Variants in TNR observed in about 807,000 individuals in gnomAD.
TNR encodes the protein tenascin R.
Under a neutral mutation model 150.4 loss-of-function variants are expected in TNR, and 45 were observed. The ratio of observed to expected loss-of-function variants is 0.30; its 90% CI spans 0.24 to 0.38. The LOEUF (loss-of-function observed/expected upper bound fraction) is 0.38. Ranked by LOEUF, TNR falls within the 10% of genes least tolerant of loss-of-function variation. The pLI is 1.00. For missense variants in TNR, 1,544 were observed against 1,759.1 expected, an observed-to-expected ratio of 0.88 and a Z score of 2.19; for synonymous variants, 687 against 678.4, an observed-to-expected ratio of 1.01 and a Z score of -0.20.
In TNR at chr1:175,403,241, C is replaced by A; in HGVS notation, c.875G>T (p.Cys292Phe). The A allele has an allele frequency of 6.2e-7, 1 of 1,614,164 alleles. No homozygotes were observed. The highest frequency in any genetic ancestry group is 8.5e-7 in the Non-Finnish European group (1 of 1,180,036). Reference protein sequence around the residue: ...LCEEGYVGEDCGQRQCLNACS... With the variant: ...LCEEGYVGEDFGQRQCLNACS... ...GGCATTCAGACACTGCCGCTGGCCG[C>A]AGTCCTCACCAACGTAGCCCTCCTC... is the stretch of plus-strand genomic sequence containing the variant. Residue 292 changes from cysteine (C) to phenylalanine (F), a missense_variant, in exon 4 of 23, where the codon TGC becomes TTC. Cys to Phe is a radical substitution (Grantham distance 205). This residue lies in a region of TNR where 1,254 missense variants were observed against 1,329.4 expected (regional missense o/e 0.94). Coordinates refer to ENST00000367674, the MANE Select transcript of TNR (RefSeq NM_003285.3).
chr1:175,691,157 C>T (rs1406502183), intron 1 of TNR, among the ~76,000 whole-genome samples: 1 of 82,818 alleles, frequency 1.2e-5, no homozygotes, highest in Non-Finnish European at 2.6e-5. Context: ...CCAGTCCTAT[C>T]CACACCTTAA....
At chr1:175,434,705 A>G (rs1377809328) in intron 2 of TNR, among the ~76,000 whole-genome samples, 1 of 152,122 alleles carries the variant, frequency 6.6e-6, no homozygotes, top group Non-Finnish European at 1.5e-5. Context: ...GCCCGGGAAT[A>G]CGGTATGTGT....
chr1:175,524,686 C>T (rs1659782657), intron 2 of TNR, among the ~76,000 whole-genome samples: 1 of 152,092 alleles, frequency 6.6e-6, no homozygotes, highest in Non-Finnish European at 1.5e-5. Flanking sequence ...ATTGAGCAAG[C>T]TCTTTATAGC....
In TNR at chr1:175,512,250, A is replaced by C. The variant is rs114797656; in HGVS notation, c.-64+16019T>G. On this transcript the variant is annotated intron_variant, in intron 2 of 22. Transcript: ENST00000367674. ...GGAGTTAAGATCCGTGACCATTTCAAGTAGGCAGGAGAGGCATCATCTTGA... is the reference window on the plus strand; with the variant it reads ...GGAGTTAAGATCCGTGACCATTTCACGTAGGCAGGAGAGGCATCATCTTGA... Among the ~76,000 whole-genome samples the C allele has an allele frequency of 5.0e-3, 757 of 152,350 alleles. 6 individuals carry two copies. The highest frequency in any genetic ancestry group is 0.017 in the African/African-American group (724 of 41,580).
At chr1:175,449,740 T>C (rs1656222422) in intron 2 of TNR, among the ~76,000 whole-genome samples, 2 of 152,228 alleles carry the variant, frequency 1.3e-5, no homozygotes, top group South Asian at 2.1e-4. Context: ...TGGGCTGGAT[T>C]TTTGAAGAGA....
intron 1 of TNR, among the ~76,000 whole-genome samples, chr1:175,657,948 A>G (rs1665243084): frequency 7.1e-6 from 1 of 141,368 alleles, no homozygotes; most frequent in African/African-American, 2.6e-5. Flanking sequence ...AAAAAAAAGG[A>G]TGCCAGGTGA....
intron 1 of TNR, among the ~76,000 whole-genome samples, chr1:175,682,020 A>C (rs532267984): frequency 1.3e-5 from 2 of 152,256 alleles, no homozygotes; most frequent in African/African-American, 4.8e-5. Flanking sequence ...GATTCTCAGT[A>C]AATGGCACTT....
intron 1 of TNR, among the ~76,000 whole-genome samples, chr1:175,724,437 G>A (rs1051550657): frequency 2.6e-5 from 4 of 152,150 alleles, no homozygotes; most frequent in Non-Finnish European, 5.9e-5. Context: ...GGGGGATGGT[G>A]CTAAAACATT....
chr1:175,724,388 C>A (rs962617818), intron 1 of TNR, among the ~76,000 whole-genome samples: 5 of 152,186 alleles, frequency 3.3e-5, no homozygotes, highest in African/African-American at 1.2e-4. Flanking sequence ...ACAATCAGAT[C>A]TAGTGAGAAC....
intron 1 of TNR, among the ~76,000 whole-genome samples, chr1:175,553,849 A>ACACACACACACACACAC (rs1661045599): frequency 4.2e-5 from 3 of 70,628 alleles, no homozygotes; most frequent in Non-Finnish European, 6.5e-5. Flanking sequence ...CACACACACA[A>ACACACACACACACACAC]ACAATAATTA....
At chr1:175,646,661 C>T (rs1664818814) in intron 1 of TNR, among the ~76,000 whole-genome samples, 1 of 152,198 alleles carries the variant, frequency 6.6e-6, no homozygotes, top group Non-Finnish European at 1.5e-5. Context: ...GTTTGCCTGG[C>T]TTGAAGAGTC....
chr1:175,331,101 C>CTTTCTTTCTTTCTT lies in TNR; in HGVS notation c.3632-867_3632-866insAAGAAAGAAAGAAA, dbSNP rs1368309847. 4.4e-4 allele frequency among the ~76,000 whole-genome samples: 43 copies of CTTTCTTTCTTTCTT among 98,204 alleles called. 1 individual carries two copies. The highest frequency in any genetic ancestry group is 6.3e-4 in the Non-Finnish European group (29 of 46,076). 64.4% of individuals were successfully genotyped at this position (98,204 alleles called of 152,430 possible). A position where few individuals can be genotyped will look rare whatever the true frequency, so the allele number is the denominator to read the frequency against. The stretch of plus-strand genomic sequence containing the variant: ...TCCTTCTTTCTTTCTTTCTTTCTTT[C>CTTTCTTTCTTTCTT]TCTCTCTCTTTCTTTTCTTTCTTTC... On this transcript the variant is annotated intron_variant, in intron 20 of 22. Transcript: ENST00000367674.
chr1:175,514,564 T>C (rs1659325577), intron 2 of TNR, among the ~76,000 whole-genome samples: 2 of 152,152 alleles, frequency 1.3e-5, no homozygotes, highest in South Asian at 4.1e-4. Flanking sequence ...GAACCATGGT[T>C]CCCAGGGAAA....
intron 1 of TNR, among the ~76,000 whole-genome samples, chr1:175,552,825 G>A (rs146101645): frequency 3.0e-4 from 46 of 151,694 alleles, no homozygotes; most frequent in African/African-American, 9.9e-4. Context: ...TTCTTTTCTC[G>A]TGCCTCCAGA....
chr1:175,488,992 A>G (rs1438163579), intron 2 of TNR, among the ~76,000 whole-genome samples: 1 of 152,142 alleles, frequency 6.6e-6, no homozygotes, highest in Non-Finnish European at 1.5e-5. Context: ...TTTAAAGTCT[A>G]CCGCGGGTGG....
At chr1:175,596,102 G>A (rs1211251965) in intron 1 of TNR, among the ~76,000 whole-genome samples, 1 of 152,130 alleles carries the variant, frequency 6.6e-6, no homozygotes, top group Non-Finnish European at 1.5e-5. Flanking sequence ...GGCAAAGGTT[G>A]AAAACAACAT....
intron 2 of TNR, among the ~76,000 whole-genome samples, chr1:175,464,325 A>G (rs1408217505): frequency 6.6e-6 from 1 of 152,240 alleles, no homozygotes; most frequent in Non-Finnish European, 1.5e-5. Flanking sequence ...AATATCCAGA[A>G]TTAAAGTGGT....
At chr1:175,466,841 G>A (rs1176279258) in intron 2 of TNR, among the ~76,000 whole-genome samples, 1 of 152,070 alleles carries the variant, frequency 6.6e-6, no homozygotes, top group African/African-American at 2.4e-5. Context: ...GTAGGAATCC[G>A]GGCTCCTCTT....
chr1:175,726,216 T>C (rs555237185), intron 1 of TNR, among the ~76,000 whole-genome samples: 9 of 152,282 alleles, frequency 5.9e-5, no homozygotes, highest in Non-Finnish European at 1.2e-4. Context: ...TAAAAGGCCA[T>C]ACCAACACCC....
Sources: gnomAD v4.1 joint callset for allele counts (sites outside exome capture counted in the v4.1 genomes callset) on GRCh38, gnomAD v4.1.1 for gene constraint, gnomAD v4.1.1 regional missense constraint, MANE v1.5 for transcripts, NCBI Gene and HGNC (gene_info 2026-07-23, HGNC 2026-07-21) for gene names.